The following TIAM1 variants were observed in gnomAD, a reference collection of about 807,000 sequenced individuals.
The protein encoded by TIAM1 is TIAM Rac1 associated GEF 1.
A neutral mutation model predicts 163.5 loss-of-function variants in TIAM1; 65 were observed. That is an observed-to-expected ratio of 0.40 (90% CI 0.33 to 0.49). The LOEUF (loss-of-function observed/expected upper bound fraction) is 0.49. Among genes scored for constraint, TIAM1 ranks in the 20% least tolerant of loss-of-function variants. TIAM1 has a pLI of 0.77. For synonymous variants in TIAM1, 833 were observed against 810.1 expected (o/e 1.03, Z -0.48); for missense variants, 1,789 against 2,044.7 (o/e 0.87, Z 2.41).
At chr21:31,542,287 CGTGG>C (rs201554091) in intron 1 of TIAM1, among the ~76,000 whole-genome samples, 1,863 of 152,040 alleles carry the variant, frequency 0.012, 42 homozygotes, top group African/African-American at 0.043. Context: ...ATTAGCCGGG[CGTGG>C]TGGTGTGTGC....
chr21:31,352,797 C>T (rs1037224924), intron 2 of TIAM1, among the ~76,000 whole-genome samples: 5 of 151,782 alleles, frequency 3.3e-5, no homozygotes, highest in Non-Finnish European at 1.5e-5. Flanking sequence ...ATAGCTTGAA[C>T]CTGGGAGGCG....
chr21:31,213,597 A>C, intron 9 of TIAM1, 125 bp from the exon 10 acceptor site: 1 of 761,536 alleles, frequency 1.3e-6, no homozygotes, highest in Non-Finnish European at 2.3e-6. Context: ...ATACTCCTAC[A>C]TCAAATCCCA....
At position 31,521,745 on chromosome 21, in the gene TIAM1, AACACAC is replaced by A. The variant is rs35006738; in HGVS notation, c.-422+37176_-422+37181del. ...AGAGCAAGACCCTGCCTCACACACA[AACACAC>A]ACACACACACACACACACACACACA... is the stretch of plus-strand genomic sequence containing the variant. On this transcript the variant is annotated intron_variant, in intron 1 of 28. Transcript: ENST00000286827. Among the ~76,000 whole-genome samples the A allele has an allele frequency of 1.1e-3, 162 of 146,964 alleles. 1 individual carries two copies. The highest frequency in any genetic ancestry group is 6.9e-3 in the Middle Eastern group (2 of 290).
At chr21:31,432,273 G>A (rs766761524) in intron 2 of TIAM1, among the ~76,000 whole-genome samples, 10 of 151,866 alleles carry the variant, frequency 6.6e-5, no homozygotes, top group Non-Finnish European at 1.2e-4. Flanking sequence ...GCTAATTTTT[G>A]TATTTTTAGT....
chr21:31,210,603 AAGGAAGG>A lies in TIAM1; in HGVS notation c.2218-395_2218-389del, dbSNP rs1569031520. The stretch of plus-strand genomic sequence containing the variant: ...GAAAGAAAGAAAGAAAGAGAGAAAG[AAGGAAGG>A]AAGGGAGAAAGAAAGAAAGAAAGAA... On this transcript the variant is annotated intron_variant, in intron 10 of 27. Coordinates refer to ENST00000541036, the MANE Select transcript of TIAM1 (RefSeq NM_001353694.2). Among the ~76,000 whole-genome samples the A allele has an allele frequency of 4.9e-4, 53 of 108,266 alleles. 2 individuals carry two copies. The highest frequency in any genetic ancestry group is 7.2e-4 in the Admixed American group (7 of 9,658). The allele number at this position is 108,266 out of a possible 152,430, so 71.0% of individuals were successfully genotyped here.
chr21:31,304,659 G>C (rs1010686266), intron 2 of TIAM1, among the ~76,000 whole-genome samples: 1 of 152,170 alleles, frequency 6.6e-6, no homozygotes, highest in Non-Finnish European at 1.5e-5. Context: ...CAACAGATTA[G>C]AATATTGTAT....
chr21:31,474,693 G>C (rs1315355263), intron 1 of TIAM1, among the ~76,000 whole-genome samples: 2 of 151,714 alleles, frequency 1.3e-5, no homozygotes, highest in Non-Finnish European at 2.9e-5. Flanking sequence ...CTACAGGCAT[G>C]CACCACCATG....
At chr21:31,278,700 T>A (rs1644795256) in intron 2 of TIAM1, among the ~76,000 whole-genome samples, 1 of 152,180 alleles carries the variant, frequency 6.6e-6, no homozygotes, top group South Asian at 2.1e-4. Flanking sequence ...AACCATGAAG[T>A]TAGTGACTCA....
chr21:31,142,393 G>A (rs1236147125), intron 20 of TIAM1, among the ~76,000 whole-genome samples: 3 of 149,778 alleles, frequency 2.0e-5, no homozygotes, highest in South Asian at 2.1e-4. Flanking sequence ...AGAGGCGAGC[G>A]GATCACTTGA....
intron 15 of TIAM1, among the ~76,000 whole-genome samples, chr21:31,178,433 A>G (rs1439273884): frequency 6.7e-6 from 1 of 148,958 alleles, no homozygotes; most frequent in Non-Finnish European, 1.5e-5. Flanking sequence ...CAGTCTGCCG[A>G]GTAGCTGGGA....
chr21:31,152,831 T>C (rs899414587), intron 18 of TIAM1, 70 bp from the exon 19 acceptor site: 2 of 1,552,416 alleles, frequency 1.3e-6, no homozygotes, highest in African/African-American at 1.4e-5. Flanking sequence ...TATATCTGAT[T>C]ACAAGGTTTT....
chr21:31,489,456 AAG>A (rs1277105777), intron 1 of TIAM1, among the ~76,000 whole-genome samples: 5 of 141,502 alleles, frequency 3.5e-5, no homozygotes, highest in African/African-American at 5.3e-5. Context: ...AGAAGAAAGA[AAG>A]AGAAAGAAAG....
chr21:31,451,848 A>G (rs1043955196), intron 2 of TIAM1, among the ~76,000 whole-genome samples: 2 of 152,084 alleles, frequency 1.3e-5, no homozygotes, highest in Non-Finnish European at 2.9e-5. Context: ...TACAAAGGAC[A>G]TGTCCAGGAA....
At chr21:31,331,787 C>T (rs1270110199) in intron 2 of TIAM1, among the ~76,000 whole-genome samples, 1 of 152,146 alleles carries the variant, frequency 6.6e-6, no homozygotes, top group African/African-American at 2.4e-5. Flanking sequence ...ACAGAGGTCA[C>T]AGAATGAGGG....
chr21:31,172,880 GAA>G (rs34725096), intron 15 of TIAM1, among the ~76,000 whole-genome samples: 5 of 144,812 alleles, frequency 3.5e-5, no homozygotes, highest in African/African-American at 7.5e-5. Context: ...TTGAAAGTAA[GAA>G]AAAAAAAAAC....
At chr21:31,436,543 C>G in intron 2 of TIAM1, among the ~76,000 whole-genome samples, 1 of 152,144 alleles carries the variant, frequency 6.6e-6, no homozygotes, top group Middle Eastern at 3.4e-3. Flanking sequence ...ACAAGAATCA[C>G]TTGAACCTGG....
chr21:31,204,639 C>T (rs959206033), intron 11 of TIAM1, among the ~76,000 whole-genome samples: 3 of 152,138 alleles, frequency 2.0e-5, no homozygotes, highest in African/African-American at 7.2e-5. Flanking sequence ...AGTGAGAATA[C>T]AGAAACTAAT....
chr21:31,411,431 G>T (rs185016495), intron 2 of TIAM1, among the ~76,000 whole-genome samples: 1 of 150,896 alleles, frequency 6.6e-6, no homozygotes, highest in Non-Finnish European at 1.5e-5. Flanking sequence ...AAAAGCAGCC[G>T]TGGAAGATAA....
At chr21:31,365,269 T>C (rs188803803) in intron 2 of TIAM1, among the ~76,000 whole-genome samples, 6 of 152,304 alleles carry the variant, frequency 3.9e-5, no homozygotes, top group African/African-American at 1.2e-4. Flanking sequence ...GTGCTCTGTA[T>C]ATACTTCTCC....
Sources: allele counts gnomAD v4.1 joint callset (sites outside exome capture counted in the v4.1 genomes callset), GRCh38; gene constraint gnomAD v4.1.1; transcripts MANE v1.5; gene names NCBI Gene and HGNC (gene_info 2026-07-23, HGNC 2026-07-21).